The following PLPBP variants were observed in gnomAD, a reference collection of about 807,000 sequenced individuals.
PLPBP encodes pyridoxal phosphate binding protein, also known as pyridoxal phosphate homeostasis protein.
In PLPBP, 21 loss-of-function variants were observed where a neutral mutation model predicts 31.2. That is an observed-to-expected ratio of 0.67 (90% CI 0.48 to 0.97). The LOEUF (loss-of-function observed/expected upper bound fraction) is 0.97, where lower values mean the gene tolerates loss of function less well. PLPBP is among the 50% of genes least tolerant of loss of function. The probability of loss-of-function intolerance (pLI) is 0.00; values close to 1 mark genes in which losing one functional copy is unlikely to be tolerated. For synonymous variants in PLPBP, 124 were observed against 135.6 expected, an observed-to-expected ratio of 0.91 and a Z score of 0.59; for missense variants, 308 against 354.4, an observed-to-expected ratio of 0.87 and a Z score of 1.05.
chr8:37,766,581 C>G (rs2129778128), intron 4 of PLPBP: 1 of 1,160,692 alleles, frequency 8.6e-7, no homozygotes, highest in Non-Finnish European at 1.1e-6. Flanking sequence ...TACCCAACCT[C>G]ATGTTTATTA....
intron 7 of PLPBP, 44 bp downstream of exon 7, chr8:37,776,060 T>C: frequency 3.9e-6 from 6 of 1,556,006 alleles, no homozygotes; most frequent in Non-Finnish European, 5.3e-6. Context: ...GGGGTGGGGG[T>C]AGGGGGTCTG....
chr8:37,763,193 C>T (rs1375639886), intron 1 of PLPBP, among the ~76,000 whole-genome samples: 1 of 152,180 alleles, frequency 6.6e-6, no homozygotes, highest in African/African-American at 2.4e-5. Flanking sequence ...CAAGAAATGC[C>T]AGTGCCGCCC....
intron 7 of PLPBP, among the ~76,000 whole-genome samples, chr8:37,776,817 A>C (rs1049613855): frequency 6.6e-6 from 1 of 151,972 alleles, no homozygotes; most frequent in African/African-American, 2.4e-5. Context: ...CCCAGGCCGG[A>C]GTGCAGTGGC....
At chr8:37,773,780 C>G (rs1302196694) in intron 5 of PLPBP, among the ~76,000 whole-genome samples, 1 of 151,936 alleles carries the variant, frequency 6.6e-6, no homozygotes, top group Non-Finnish European at 1.5e-5. Flanking sequence ...GGGATTGTGT[C>G]TTTCATCTGG....
At chr8:37,777,880 C>T (rs559927332) in intron 7 of PLPBP, 93 bp from the exon 8 acceptor site, 1 of 1,430,248 alleles carries the variant, frequency 7.0e-7, no homozygotes, top group African/African-American at 1.4e-5. Context: ...CCATAGAAGG[C>T]TCTTGAGAGC....
intron 4 of PLPBP, among the ~76,000 whole-genome samples, chr8:37,767,799 C>CTTTTTTTTTTTTTT (rs1175107737): frequency 2.0e-5 from 2 of 98,928 alleles, no homozygotes; most frequent in Non-Finnish European, 3.8e-5. Context: ...CTTTTATTTA[C>CTTTTTTTTTTTTTT]TTTTTTTTTT....
At position 37,777,863 on chromosome 8, in the gene PLPBP, G is replaced by A. The variant is rs185180489; in HGVS notation, c.697-110G>A. On this transcript the variant is annotated intron_variant, in intron 7 of 7. Coordinates refer to ENST00000328195, the MANE Select transcript of PLPBP (RefSeq NM_007198.4). ...TGGGATTACAGGCGTGAGCCACCAC[G>A]CCCCGTCCATAGAAGGCTCTTGAGA... The A allele has an allele frequency of 5.1e-5, 66 of 1,293,440 alleles. No individual in the cohort carries two copies. In the African/African-American group the frequency reaches 8.4e-4, roughly 16 times the overall value. The allele number at this position is 1,293,440 out of a possible 1,614,324, so 80.1% of individuals were successfully genotyped here.
At chr8:37,775,215 G>A in intron 5 of PLPBP, 124 bp from the exon 6 acceptor site, 1 of 1,107,142 alleles carries the variant, frequency 9.0e-7, no homozygotes, top group African/African-American at 1.6e-5. Context: ...TAGGACTTGA[G>A]GCTCTTTCAA....
At chr8:37,777,374 G>A (rs1029684535) in intron 7 of PLPBP, among the ~76,000 whole-genome samples, 3 of 152,080 alleles carry the variant, frequency 2.0e-5, no homozygotes, top group Non-Finnish European at 4.4e-5. Flanking sequence ...GTGCTGTGTG[G>A]CTGCGTCTCA....
chr8:37,769,382 C>T (rs1803716464), intron 4 of PLPBP, among the ~76,000 whole-genome samples: 1 of 151,514 alleles, frequency 6.6e-6, no homozygotes, highest in Non-Finnish European at 1.5e-5. Flanking sequence ...GAACAACTAG[C>T]AGATTTGATC....
At chr8:37,777,874 A>C (rs1242967200) in intron 7 of PLPBP, 99 bp from the exon 8 acceptor site, 2 of 1,382,570 alleles carry the variant, frequency 1.4e-6, no homozygotes, top group Non-Finnish European at 2.0e-6. Context: ...CCCCGTCCAT[A>C]GAAGGCTCTT....
chr8:37,765,324 G>C (rs1803594549), intron 1 of PLPBP, among the ~76,000 whole-genome samples: 1 of 152,250 alleles, frequency 6.6e-6, no homozygotes, highest in Admixed American at 6.5e-5. Context: ...TTGATGCATA[G>C]ATTGAGATGC....
At chr8:37,767,947 A>G (rs967249879) in intron 4 of PLPBP, among the ~76,000 whole-genome samples, 16 of 151,782 alleles carry the variant, frequency 1.1e-4, no homozygotes, top group African/African-American at 3.4e-4. Flanking sequence ...CTAGGATTAC[A>G]GGCACATGCC....
At chr8:37,770,998 G>A (rs534099804) in intron 4 of PLPBP, among the ~76,000 whole-genome samples, 3 of 152,296 alleles carry the variant, frequency 2.0e-5, no homozygotes, top group South Asian at 2.1e-4. Flanking sequence ...TGGATGATCC[G>A]TTATACTCAT....
chr8:37,762,747 C>T lies in PLPBP; in HGVS notation c.88C>T (p.Arg30Trp), dbSNP rs754318639. 7.7e-6 allele frequency: 12 copies of T among 1,567,722 alleles called. No homozygotes were observed. Among genetic ancestry groups the T allele is most frequent in the Non-Finnish European group, 6.9e-6 (8 of 1,163,614 alleles). ...CGAGCGCGTGCAGCAGGCTGTGGCGCGGCGGCCGCGGGTGAGGAAGGAGGC... is the reference window on the plus strand; with the variant it reads ...CGAGCGCGTGCAGCAGGCTGTGGCGTGGCGGCCGCGGGTGAGGAAGGAGGC... ...VNERVQQAVA[R>W]RPRDLPAIQP... Residue 30 changes from arginine (R) to tryptophan (W), a missense_variant, in exon 1 of 8, where the codon CGG becomes TGG. Transcript: ENST00000328195.
chr8:37,768,475 T>C (rs1023561511), intron 4 of PLPBP, among the ~76,000 whole-genome samples: 1 of 141,544 alleles, frequency 7.1e-6, no homozygotes. Context: ...CTTTTTTTTT[T>C]TTTTTTTTTT....
At position 37,776,478 on chromosome 8, in the gene PLPBP, CAAAAAAAAA is replaced by C. The variant is rs915875297; in HGVS notation, c.696+479_696+487del. ...CTGGCAACAGAGCGAGACTCCATCTCAAAAAAAAAAAAAAAAAAAAAAAAACAAAAGAAA... is the reference window on the plus strand; with the variant it reads ...CTGGCAACAGAGCGAGACTCCATCTCAAAAAAAAAAAAAAAACAAAAGAAA... On this transcript the variant is annotated intron_variant, in intron 7 of 7. Transcript: ENST00000328195. Among the ~76,000 whole-genome samples, 4 of 10,634 alleles carry C rather than the reference CAAAAAAAAA, an allele frequency of 3.8e-4. No individual in the cohort carries two copies. The South Asian group carries it at 0.015, about 39-fold the overall frequency. 7.0% of individuals were successfully genotyped at this position (10,634 alleles called of 152,430 possible).
rs34533624 is a variant in PLPBP, at chr8:37,766,266, CT to C, written c.244-9del. On this transcript the variant is annotated splice_polypyrimidine_tract_variant and intron_variant, in intron 3 of 7. Transcript: ENST00000328195. Reference sequence around the variant, plus strand: ...TAAAATCTGAATTACACATGGTTACCTTTTTCCCCTCAGATTCTGTCTTTGT... The same window carrying C: ...TAAAATCTGAATTACACATGGTTACCTTTTCCCCTCAGATTCTGTCTTTGT... The C allele has an allele frequency of 4.4e-6, 7 of 1,600,142 alleles. No homozygotes were observed. Among genetic ancestry groups the C allele is most frequent in the East Asian group, 2.3e-5 (1 of 44,216 alleles).
chr8:37,768,543 G>A (rs1449105865), intron 4 of PLPBP, among the ~76,000 whole-genome samples: 1 of 139,158 alleles, frequency 7.2e-6, no homozygotes, highest in African/African-American at 2.7e-5. Context: ...TGCGATCTCA[G>A]CTTTCTGCAA....
Sources: gnomAD v4.1 joint callset for allele counts (sites outside exome capture counted in the v4.1 genomes callset) on GRCh38, gnomAD v4.1.1 for gene constraint, MANE v1.5 for transcripts, NCBI Gene and HGNC (gene_info 2026-07-23, HGNC 2026-07-21) for gene names.